DAPK1: variants seen among roughly 807,000 people sequenced by gnomAD.
DAPK1 encodes death associated protein kinase 1.
Under a neutral mutation model 144.9 loss-of-function variants are expected in DAPK1, and 56 were observed. That is an observed-to-expected ratio of 0.39 (90% CI 0.31 to 0.48). The LOEUF (loss-of-function observed/expected upper bound fraction) is 0.48. Among genes scored for constraint, DAPK1 ranks in the 20% least tolerant of loss-of-function variants. The pLI is 0.95. For synonymous variants in DAPK1, 690 were observed against 749.0 expected, an observed-to-expected ratio of 0.92 and a Z score of 1.29; for missense variants, 1,454 against 1,875.4, an observed-to-expected ratio of 0.78 and a Z score of 4.15.
chr9:87,555,174 G>C (rs1826659566), intron 2 of DAPK1, among the ~76,000 whole-genome samples: 1 of 152,176 alleles, frequency 6.6e-6, no homozygotes, highest in East Asian at 1.9e-4. Flanking sequence ...AGCAAAGGAA[G>C]TTCCTTATTT....
chr9:87,512,073 ATTT>A (rs1222933354), intron 2 of DAPK1, among the ~76,000 whole-genome samples: 7 of 151,866 alleles, frequency 4.6e-5, no homozygotes, highest in African/African-American at 1.7e-4. Flanking sequence ...TTGTTTGTTT[ATTT>A]TTTTAGAGAC....
intron 21 of DAPK1, among the ~76,000 whole-genome samples, chr9:87,691,197 T>G (rs1402998509): frequency 2.0e-5 from 3 of 152,046 alleles, no homozygotes; most frequent in Non-Finnish European, 2.9e-5. Context: ...CTGCTCTAGT[T>G]TTCTATTTCT....
chr9:87,638,219 A>C (rs554937032), intron 4 of DAPK1, 138 bp downstream of exon 4: 51 of 951,798 alleles, frequency 5.4e-5, no homozygotes, highest in African/African-American at 5.3e-4. Flanking sequence ...ATATCACTAT[A>C]AATCGGCAAG....
intron 8 of DAPK1, 78 bp downstream of exon 8, chr9:87,640,528 G>T: frequency 1.4e-6 from 2 of 1,465,532 alleles, no homozygotes; most frequent in South Asian, 1.3e-5. Context: ...CATGCACAGG[G>T]CCACGTTCCT....
chr9:87,565,042 A>G (rs148366853), intron 2 of DAPK1, among the ~76,000 whole-genome samples: 39 of 152,312 alleles, frequency 2.6e-4, no homozygotes, highest in African/African-American at 8.7e-4. Context: ...GGAAGACCCT[A>G]TCCACATTTG....
At chr9:87,608,488 C>T (rs1043665143) in intron 3 of DAPK1, among the ~76,000 whole-genome samples, 1 of 152,102 alleles carries the variant, frequency 6.6e-6, no homozygotes, top group African/African-American at 2.4e-5. Flanking sequence ...TCAGTAAATA[C>T]CTAGAGATCT....
intron 2 of DAPK1, among the ~76,000 whole-genome samples, chr9:87,518,113 T>TG (rs1563970388): frequency 7.0e-6 from 1 of 142,114 alleles, no homozygotes; most frequent in African/African-American, 2.7e-5. Context: ...TTGTTTTTTT[T>TG]TTTTTTTTTT....
intron 24 of DAPK1, among the ~76,000 whole-genome samples, chr9:87,701,518 A>G (rs1447511967): frequency 6.6e-6 from 1 of 152,206 alleles, no homozygotes. Flanking sequence ...TAGGCTGGGA[A>G]AAAGCATTCT....
At chr9:87,604,608 G>A (rs941308153) in intron 2 of DAPK1, among the ~76,000 whole-genome samples, 1 of 152,040 alleles carries the variant, frequency 6.6e-6, no homozygotes, top group Non-Finnish European at 1.5e-5. Flanking sequence ...GAGACTAGAC[G>A]TGCAGGAAAA....
At chr9:87,614,260 C>G (rs1174016674) in intron 3 of DAPK1, among the ~76,000 whole-genome samples, 3 of 152,282 alleles carry the variant, frequency 2.0e-5, no homozygotes, top group African/African-American at 7.2e-5. Context: ...TACAAACAAA[C>G]CCTATGTGGT....
rs185688530 is a variant in DAPK1, at chr9:87,573,510, A to G, written c.63-31444A>G. On this transcript the variant is annotated intron_variant, in intron 2 of 25. Coordinates refer to ENST00000408954, the MANE Select transcript of DAPK1 (RefSeq NM_004938.4). ...GGGGTGAGTTTGTAAGAGTGGGGAT[A>G]TGTAGCTCTGAAGGAGGCTTGGTGT... is the stretch of plus-strand genomic sequence containing the variant. Among the ~76,000 whole-genome samples the G allele has an allele frequency of 1.7e-3, 252 of 152,330 alleles. 1 individual carries two copies. Among genetic ancestry groups the G allele is most frequent in the Admixed American group, 4.9e-3 (75 of 15,300 alleles).
chr9:87,656,221 G>A (rs912409494), intron 17 of DAPK1, among the ~76,000 whole-genome samples: 7 of 152,148 alleles, frequency 4.6e-5, no homozygotes, highest in African/African-American at 1.2e-4. Flanking sequence ...GCTGACACAC[G>A]GCGGGTGTTG....
chr9:87,547,717 G>A (rs1826311815), intron 2 of DAPK1, among the ~76,000 whole-genome samples: 1 of 151,904 alleles, frequency 6.6e-6, no homozygotes, highest in Non-Finnish European at 1.5e-5. Flanking sequence ...GTGCAGGGTG[G>A]AGATCGGGGA....
chr9:87,636,276 C>T (rs116173572), intron 3 of DAPK1, among the ~76,000 whole-genome samples: 2 of 152,118 alleles, frequency 1.3e-5, no homozygotes, highest in African/African-American at 2.4e-5. Flanking sequence ...CCTGCTGTGT[C>T]CCCTGGAGGA....
At chr9:87,664,618 G>A (rs1344292002) in intron 18 of DAPK1, among the ~76,000 whole-genome samples, 1 of 152,188 alleles carries the variant, frequency 6.6e-6, no homozygotes, top group African/African-American at 2.4e-5. Flanking sequence ...ATCGTATCCG[G>A]ATTTCTCCTA....
At chr9:87,608,420 A>G (rs551287377) in intron 3 of DAPK1, among the ~76,000 whole-genome samples, 24 of 152,318 alleles carry the variant, frequency 1.6e-4, no homozygotes, top group Non-Finnish European at 3.5e-4. Context: ...ATTAGGAGTA[A>G]AACTGCTACA....
At chr9:87,595,708 T>C (rs986586664) in intron 2 of DAPK1, among the ~76,000 whole-genome samples, 2 of 152,200 alleles carry the variant, frequency 1.3e-5, no homozygotes, top group African/African-American at 4.8e-5. Flanking sequence ...GAGGATGCTT[T>C]CGCCAAGGGA....
Position 87,640,455 on chromosome 9 carries a change from G to C in DAPK1, c.782+5G>C. On this transcript the variant is annotated splice_donor_5th_base_variant and intron_variant, in intron 8 of 25. Transcript: ENST00000408954. ...ACTTCTGGTCAAGGATCCAAAGTGA[G>C]TGTCCACGTTCCTGAAAGGTGCTTG... The C allele has an allele frequency of 6.2e-7, 1 of 1,613,504 alleles. No individual in the cohort carries two copies. The highest frequency in any genetic ancestry group is 8.5e-7 in the Non-Finnish European group (1 of 1,179,678).
chr9:87,497,371 A>G (rs1314276037), upstream of DAPK1: 1 of 152,258 alleles, frequency 6.6e-6, no homozygotes, highest in African/African-American at 2.4e-5. Flanking sequence ...CTGATCCTCC[A>G]AAATTACCTT....
Sources: gnomAD v4.1 joint callset for allele counts (sites outside exome capture counted in the v4.1 genomes callset) on GRCh38, gnomAD v4.1.1 for gene constraint, MANE v1.5 for transcripts, NCBI Gene and HGNC (gene_info 2026-07-23, HGNC 2026-07-21) for gene names.